The following ACADL variants were observed in gnomAD, a reference collection of about 807,000 sequenced individuals.
The protein encoded by ACADL is acyl-CoA dehydrogenase long chain, also known as long-chain specific acyl-CoA dehydrogenase, mitochondrial.
Under a neutral mutation model 56.9 loss-of-function variants are expected in ACADL, and 60 were observed. The ratio of observed to expected loss-of-function variants is 1.05; its 90% CI spans 0.86 to 1.31. The LOEUF is 1.31. ACADL is among the 50% of genes most tolerant of loss of function. The pLI, the probability that ACADL is intolerant of heterozygous loss-of-function variation, is 0.00. For synonymous variants in ACADL, 158 were observed against 179.7 expected (o/e 0.88, Z 0.97); for missense variants, 484 against 525.5 (o/e 0.92, Z 0.77).
At position 210,208,016 on chromosome 2, in the gene ACADL, C is replaced by T. The variant is rs550175821; in HGVS notation, c.603+2180G>A. Among the ~76,000 whole-genome samples, 92 of 152,290 alleles carry T rather than the reference C, an allele frequency of 6.0e-4. 1 individual carries two copies. The highest frequency in any genetic ancestry group is 2.1e-3 in the African/African-American group (88 of 41,562). On this transcript the variant is annotated intron_variant, in intron 5 of 10. Coordinates refer to ENST00000233710, the MANE Select transcript of ACADL (RefSeq NM_001608.4). ...TTTTCAACAGTATTGCTCCATTACA[C>T]GACTCCCTTGCTCAAAAACCTTATA...
chr2:210,220,612 G>GTATA (rs1233666765), intron 2 of ACADL, 35 bp downstream of exon 2: 3 of 1,598,788 alleles, frequency 1.9e-6, no homozygotes, highest in Non-Finnish European at 2.6e-6. Context: ...AATACCCCTA[G>GTATA]TATACATTAC....
At chr2:210,210,782 C>T (rs1005221567) in intron 4 of ACADL, among the ~76,000 whole-genome samples, 3 of 152,056 alleles carry the variant, frequency 2.0e-5, no homozygotes, top group South Asian at 2.1e-4. Context: ...TCTATCTCTA[C>T]AAAAAGTTAA....
At chr2:210,219,965 C>T (rs142481560) in intron 2 of ACADL, among the ~76,000 whole-genome samples, 1 of 152,212 alleles carries the variant, frequency 6.6e-6, no homozygotes, top group Non-Finnish European at 1.5e-5. Flanking sequence ...TAAAACCTCA[C>T]AAACCTATGA....
chr2:210,206,132 G>C (rs939020006), intron 5 of ACADL, among the ~76,000 whole-genome samples: 3 of 151,928 alleles, frequency 2.0e-5, no homozygotes, highest in Non-Finnish European at 4.4e-5. Context: ...TTAGAAGGAA[G>C]CCACTGATAA....
At chr2:210,219,341 G>C (rs1006834868) in intron 2 of ACADL, among the ~76,000 whole-genome samples, 12 of 152,120 alleles carry the variant, frequency 7.9e-5, no homozygotes, top group African/African-American at 2.7e-4. Context: ...GTTCACACCT[G>C]TAATCCCAGC....
chr2:210,193,021 T>A (rs559482674), intron 9 of ACADL, 131 bp from the exon 10 acceptor site: 2 of 669,850 alleles, frequency 3.0e-6, no homozygotes, highest in African/African-American at 3.6e-5. Flanking sequence ...GAACGGCATA[T>A]TAGCTAAGCA....
At chr2:210,195,415 A>G in intron 8 of ACADL, 77 bp from the exon 9 acceptor site, 1 of 1,451,048 alleles carries the variant, frequency 6.9e-7, no homozygotes, top group South Asian at 1.2e-5. Context: ...CATATCAGAA[A>G]TTATACAATA....
chr2:210,218,285 CTTT>C (rs35116912), intron 2 of ACADL, among the ~76,000 whole-genome samples, 183 bp from the exon 3 acceptor site: 2 of 95,364 alleles, frequency 2.1e-5, no homozygotes, highest in African/African-American at 4.2e-5. Flanking sequence ...CTTTTTTCTG[CTTT>C]TTTTTTTTTT....
In ACADL at chr2:210,210,530, C is replaced by T. The variant is rs779117581; in HGVS notation, c.537-268G>A. 9.2e-5 allele frequency among the ~76,000 whole-genome samples: 14 copies of T among 152,286 alleles called. No homozygotes were observed. In the East Asian group the frequency reaches 1.2e-3, roughly 13 times the overall value. On this transcript the variant is annotated intron_variant, in intron 4 of 10. Coordinates refer to ENST00000233710, the MANE Select transcript of ACADL (RefSeq NM_001608.4). ...AGTATAACAAAGCCCAACTAACATTCGAGACCCCAGTGGGACTCACATAAC... is the reference window on the plus strand; with the variant it reads ...AGTATAACAAAGCCCAACTAACATTTGAGACCCCAGTGGGACTCACATAAC...
At position 210,192,796 on chromosome 2, in the gene ACADL, A is replaced by G. The variant is rs1359358227; in HGVS notation, c.1199+8T>C. 1.9e-6 allele frequency: 3 copies of G among 1,605,072 alleles called. No individual in the cohort carries two copies. Among genetic ancestry groups the G allele is most frequent in the Admixed American group, 1.7e-5 (1 of 60,000 alleles). On this transcript the variant is annotated splice_region_variant and intron_variant, in intron 10 of 10. Transcript: ENST00000233710. ...ATAAAGAAGAGTGTATCAGAAAACT[A>G]TACTTACTTTGCAATTGGGTACTCC...
intron 8 of ACADL, among the ~76,000 whole-genome samples, chr2:210,196,474 AT>A (rs1471581357): frequency 2.0e-5 from 3 of 152,070 alleles, no homozygotes; most frequent in Non-Finnish European, 4.4e-5. Context: ...AAATCATTCT[AT>A]TTAGACCATT....
chr2:210,204,447 AC>A (rs894547190), intron 7 of ACADL, 133 bp downstream of exon 7: 23 of 691,694 alleles, frequency 3.3e-5, no homozygotes, highest in Non-Finnish European at 5.8e-5. Flanking sequence ...CAACTTTAAT[AC>A]TCAAATGATT....
At chr2:210,193,011 G>A (rs1688659546) in intron 9 of ACADL, 121 bp from the exon 10 acceptor site, 2 of 736,664 alleles carry the variant, frequency 2.7e-6, no homozygotes, top group South Asian at 3.1e-5. Flanking sequence ...TAAGCAATTA[G>A]AACGGCATAT....
chr2:210,205,520 G>C (rs1420515643), intron 6 of ACADL, 112 bp downstream of exon 6: 2 of 1,043,012 alleles, frequency 1.9e-6, no homozygotes, highest in Non-Finnish European at 2.9e-6. Flanking sequence ...CATATTTTAG[G>C]AATTCAGCAT....
intron 1 of ACADL, among the ~76,000 whole-genome samples, chr2:210,221,148 C>T (rs987902865): frequency 7.2e-5 from 11 of 151,994 alleles, no homozygotes; most frequent in East Asian, 3.9e-4. Flanking sequence ...TCAAATAGTA[C>T]GGTAGAGTAA....
In ACADL at chr2:210,220,811, T is replaced by A. The variant is rs748424278; in HGVS notation, c.78-9A>T. ...CTCCGGAATGAGAACATCTTAAAAATATATATATGCAATAGGAAAAGTAAG... is the reference window on the plus strand; with the variant it reads ...CTCCGGAATGAGAACATCTTAAAAAAATATATATGCAATAGGAAAAGTAAG... On this transcript the variant is annotated splice_polypyrimidine_tract_variant and intron_variant, in intron 1 of 10. Transcript: ENST00000233710. 2.5e-6 allele frequency: 4 copies of A among 1,579,664 alleles called. No individual in the cohort carries two copies. The highest frequency in any genetic ancestry group is 2.6e-6 in the Non-Finnish European group (3 of 1,158,586).
intron 10 of ACADL, among the ~76,000 whole-genome samples, chr2:210,191,090 T>C (rs1386567962): frequency 6.6e-6 from 1 of 152,028 alleles, no homozygotes; most frequent in East Asian, 1.9e-4. Context: ...TTTTTGTATT[T>C]TTAGTAGAAA....
intron 5 of ACADL, among the ~76,000 whole-genome samples, chr2:210,206,919 C>T (rs1258313366): frequency 4.6e-5 from 7 of 152,090 alleles, no homozygotes; most frequent in Non-Finnish European, 1.0e-4. Context: ...TGAATAAGTA[C>T]TTGCTTCTGG....
chr2:210,189,871 T>C (rs1383502095), intron 10 of ACADL, among the ~76,000 whole-genome samples: 2 of 152,196 alleles, frequency 1.3e-5, no homozygotes, highest in East Asian at 1.9e-4. Context: ...TATTTAATGG[T>C]CACCAACAAC....
Sources: allele counts gnomAD v4.1 joint callset (sites outside exome capture counted in the v4.1 genomes callset), GRCh38; gene constraint gnomAD v4.1.1; transcripts MANE v1.5; gene names NCBI Gene and HGNC (gene_info 2026-07-23, HGNC 2026-07-21).